The following OR6B3 variants were observed in gnomAD, a reference collection of about 807,000 sequenced individuals.
The protein encoded by OR6B3 is olfactory receptor 6B3.
For missense variants in OR6B3, 315 were observed against 427.4 expected (o/e 0.74, Z 2.32); for synonymous variants, 148 against 187.8 (o/e 0.79, Z 1.73).
chr2:240,045,311 G>A, exon 2 of OR6B3: 1 of 1,614,244 alleles, frequency 6.2e-7, no homozygotes, highest in Non-Finnish European at 8.5e-7. Context: ...TGAAAAGCAA[G>A]GCTGTATAGA....
chr2:240,046,146 C>T, intron 1 of OR6B3, 49 bp from the exon 3 acceptor site: 1 of 1,342,232 alleles, frequency 7.5e-7, no homozygotes, highest in Admixed American at 2.1e-5. Context: ...GAAGCTGGGG[C>T]AGAGGGAGAG....
chr2:240,052,807 A>G, the OR6B3 span, among the ~76,000 whole-genome samples: 2 of 152,070 alleles, frequency 1.3e-5, no homozygotes, highest in Non-Finnish European at 2.9e-5. This position sits in a 1 kb window ranked among gnomAD's most constrained non-coding sequence, Gnocchi z 4.5. Context: ...ATTAAAGATT[A>G]TTTGTGACTT....
downstream of OR6B3, among the ~76,000 whole-genome samples, chr2:240,044,807 G>A (rs1698156676): frequency 6.6e-6 from 1 of 152,150 alleles, no homozygotes; most frequent in South Asian, 2.1e-4. Flanking sequence ...CAATTTATTG[G>A]GGACTTTAAA....
chr2:240,047,560 T>A (rs970063828), upstream of OR6B3, among the ~76,000 whole-genome samples: 1 of 152,246 alleles, frequency 6.6e-6, no homozygotes, highest in African/African-American at 2.4e-5. Flanking sequence ...GGAACACAGA[T>A]GGCAGGGAAA....
upstream of OR6B3, among the ~76,000 whole-genome samples, chr2:240,049,710 T>C (rs779592415): frequency 6.6e-6 from 1 of 152,056 alleles, no homozygotes; most frequent in Non-Finnish European, 1.5e-5. Flanking sequence ...AAAATAGTAA[T>C]TGTTTGGAAA....
chr2:240,048,768 CTCT>C (rs1471143039), upstream of OR6B3, among the ~76,000 whole-genome samples: 1 of 152,234 alleles, frequency 6.6e-6, no homozygotes, highest in African/African-American at 2.4e-5. Flanking sequence ...CACCTGCCCC[CTCT>C]TCTCTCTCCT....
At chr2:240,044,959 A>G, downstream of OR6B3, 1 of 878,810 alleles carries the variant, frequency 1.1e-6, no homozygotes, top group Non-Finnish European at 1.8e-6. Flanking sequence ...AACACCAACA[A>G]CAATACCTAT....
upstream of OR6B3, among the ~76,000 whole-genome samples, chr2:240,051,705 C>T (rs1320534633): frequency 2.0e-5 from 3 of 152,330 alleles, no homozygotes; most frequent in African/African-American, 7.2e-5. Context: ...GTGGCACTAG[C>T]GTGATTATTT....
chr2:240,050,837 CAAGTATTGGAATTAGAAT>C (rs1223272480), upstream of OR6B3, among the ~76,000 whole-genome samples: 5 of 150,930 alleles, frequency 3.3e-5, no homozygotes, highest in Admixed American at 2.6e-4. Context: ...ATTAGAATGC[CAAGTATTGGAATTAGAAT>C]AGTAAAATTT....
chr2:240,051,509 A>G (rs1698255193), upstream of OR6B3, among the ~76,000 whole-genome samples: 1 of 152,182 alleles, frequency 6.6e-6, no homozygotes, highest in South Asian at 2.1e-4. Context: ...CATTAGGTAA[A>G]CCCTTAGAGA....
upstream of OR6B3, among the ~76,000 whole-genome samples, chr2:240,049,477 G>A (rs1274073769): frequency 2.0e-5 from 3 of 152,184 alleles, no homozygotes; most frequent in Non-Finnish European, 2.9e-5. Context: ...TGGTCTGAAT[G>A]TAGGAGTTTT....
At chr2:240,048,337 C>T (rs566301612), upstream of OR6B3, among the ~76,000 whole-genome samples, 3 of 152,324 alleles carry the variant, frequency 2.0e-5, no homozygotes, top group African/African-American at 4.8e-5. Context: ...CCAGCCCCGT[C>T]CCCACTCTGG....
upstream of OR6B3, among the ~76,000 whole-genome samples, chr2:240,051,735 C>T (rs1027162644): frequency 3.3e-5 from 5 of 152,172 alleles, no homozygotes; most frequent in Admixed American, 2.6e-4. Context: ...AAAGAGACTT[C>T]GAGGTTAGCA....
chr2:240,045,160 AG>A lies in OR6B3; in HGVS notation c.912del (p.Phe305SerfsTer3). The A allele has an allele frequency of 1.2e-6, 2 of 1,614,230 alleles. No homozygotes were observed. The highest frequency in any genetic ancestry group is 1.7e-6 in the Non-Finnish European group (2 of 1,180,014). ...TCTACGGCGCAGCTCGTCAAGCCGAAGGCTTTTTTCAAGGCATTCTTAAATT... is the reference window on the plus strand; with the variant it reads ...TCTACGGCGCAGCTCGTCAAGCCGAAGCTTTTTTCAAGGCATTCTTAAATT... On this transcript the variant is annotated frameshift_variant, in exon 2 of 2. Transcript: ENST00000641019. LOFTEE classifies it low-confidence loss of function (END_TRUNC).
upstream of OR6B3, among the ~76,000 whole-genome samples, chr2:240,048,324 C>T (rs1182565100): frequency 6.6e-6 from 1 of 152,152 alleles, no homozygotes; most frequent in Non-Finnish European, 1.5e-5. Context: ...CCTGGAATGC[C>T]CCCCAGCCCC....
exon 2 of OR6B3, chr2:240,045,468 A>G: frequency 6.2e-7 from 1 of 1,614,254 alleles, no homozygotes; most frequent in South Asian, 1.1e-5. Flanking sequence ...GATGAAGGCC[A>G]GAATGAAATC....
chr2:240,048,877 A>T (rs1357063540), upstream of OR6B3, among the ~76,000 whole-genome samples: 4 of 152,240 alleles, frequency 2.6e-5, no homozygotes, highest in African/African-American at 9.6e-5. Context: ...AAGCTAGTGA[A>T]GAAAGGCGGC....
rs200327452 is a variant in OR6B3 at position 240,046,030 on chromosome 2, C to T, written c.43G>A (p.Val15Met). 3.9e-4 allele frequency: 637 copies of T among 1,613,690 alleles called. 3 individuals are homozygous for T. Among genetic ancestry groups the T allele is most frequent in the South Asian group, 1.3e-3 (118 of 91,046 alleles). Reference sequence around the variant, plus strand: ...AGCCCTGGGGCCGTGGGGAAGCCCACCAGGATGAAGGTGCCGACCCTGGTG... The same window carrying T: ...AGCCCTGGGGCCGTGGGGAAGCCCATCAGGATGAAGGTGCCGACCCTGGTG... Residue 15 changes from valine (V) to methionine (M), a missense_variant, in exon 2 of 2, where the codon GTG becomes ATG. By Grantham distance (21) the Val-to-Met change is conservative. Transcript: ENST00000641019.
At chr2:240,045,149 C>T (rs556649258) in exon 2 of OR6B3, 42 of 1,614,114 alleles carry the variant, frequency 2.6e-5, no homozygotes, top group Middle Eastern at 3.3e-4. Context: ...CGGCGCAGCT[C>T]GTCAAGCCGA....
Sources: gnomAD v4.1 joint callset for allele counts (sites outside exome capture counted in the v4.1 genomes callset) on GRCh38, gnomAD v4.1.1 for gene constraint, Gnocchi (gnomAD v3.1) non-coding constraint, MANE v1.5 for transcripts, NCBI Gene and HGNC (gene_info 2026-07-23, HGNC 2026-07-21) for gene names.